Variants in CGNL1 observed in about 807,000 individuals in gnomAD.
CGNL1 encodes cingulin like 1, also known as cingulin-like protein 1.
CGNL1 carries 132 observed loss-of-function variants against 141.2 expected under a neutral mutation model. The ratio of observed to expected loss-of-function variants is 0.93; its 90% confidence interval spans 0.81 to 1.08. The LOEUF is 1.08. Among genes scored for constraint, CGNL1 ranks in the 50% least tolerant of loss-of-function variants. CGNL1 has a pLI of 0.00. For missense variants in CGNL1, 1,870 were observed against 1,588.6 expected, an observed-to-expected ratio of 1.18 and a Z score of -3.01; for synonymous variants, 690 against 622.1, an observed-to-expected ratio of 1.11 and a Z score of -1.63.
intron 1 of CGNL1, among the ~76,000 whole-genome samples, chr15:57,378,379 T>G (rs1431189426): frequency 2.2e-4 from 25 of 112,258 alleles, no homozygotes; most frequent in Non-Finnish European, 3.2e-4. Context: ...TTTTTTTTTT[T>G]TTTTTTTTTT....
intron 10 of CGNL1, among the ~76,000 whole-genome samples, chr15:57,521,985 C>A (rs2140128054): frequency 6.6e-6 from 1 of 152,266 alleles, no homozygotes; most frequent in Non-Finnish European, 1.5e-5. Context: ...TACCATACCT[C>A]ACTGGTTCTA....
Position 57,410,012 on chromosome 15 carries a change from G to A in CGNL1, c.-15-27973G>A, listed in dbSNP as rs181187931. ...TTCTGGAAGATTAAAGGCACAAGCC[G>A]TTAGCCCAGAAGGTACTTCAGCTGA... On this transcript the variant is annotated intron_variant, in intron 1 of 18. Transcript: ENST00000281282. 1.4e-4 allele frequency among the ~76,000 whole-genome samples: 21 copies of A among 152,344 alleles called. No individual in the cohort carries two copies. In the East Asian group the frequency reaches 2.1e-3, roughly 15 times the overall value.
chr15:57,540,553 C>T (rs1380840293), intron 14 of CGNL1, among the ~76,000 whole-genome samples: 1 of 152,192 alleles, frequency 6.6e-6, no homozygotes, highest in Non-Finnish European at 1.5e-5. Flanking sequence ...TGGGTGGGGA[C>T]TCAGGCAAAC....
At position 57,518,510 on chromosome 15, in the gene CGNL1, G is replaced by A. The variant is rs759255830; in HGVS notation, c.2715+13G>A. 6.4e-7 allele frequency: 1 copy of A among 1,571,814 alleles called. No individual in the cohort carries two copies. The highest frequency in any genetic ancestry group is 1.1e-5 in the South Asian group (1 of 88,164). Reference sequence around the variant, plus strand: ...GGAGGCTGCTCAGGTAAACACCAAGGGCTGTTGTCATTACTCCCTCAAGAA... The same window carrying A: ...GGAGGCTGCTCAGGTAAACACCAAGAGCTGTTGTCATTACTCCCTCAAGAA... On this transcript the variant is annotated intron_variant, in intron 10 of 18. Transcript: ENST00000281282.
chr15:57,512,150 T>A (rs2030365943), intron 8 of CGNL1, among the ~76,000 whole-genome samples: 1 of 152,182 alleles, frequency 6.6e-6, no homozygotes, highest in Non-Finnish European at 1.5e-5. Context: ...GATACATAGA[T>A]CCAAGCATCA....
chr15:57,385,826 G>T (rs1425186030), intron 1 of CGNL1, among the ~76,000 whole-genome samples: 1 of 152,202 alleles, frequency 6.6e-6, no homozygotes, highest in African/African-American at 2.4e-5. Context: ...CATCTAATGG[G>T]CCAAGGCCAA....
Position 57,461,822 on chromosome 15 carries a change from T to G in CGNL1, c.2333T>G (p.Met778Arg), listed in dbSNP as rs1377122548. The stretch of plus-strand genomic sequence containing the variant: ...GAGGTTTCCAGCCATGATCAGGAGA[T>G]GGACAAGCTGAAGGAGCAATATGAT... ...KEEVSSHDQE[M>R]DKLKEQYDAE... is the part of the protein sequence containing the mutation. Residue 778 changes from methionine to arginine, a missense_variant, in exon 8 of 19, where the codon ATG becomes AGG. Met to Arg is a moderately conservative substitution (Grantham distance 91). Transcript: ENST00000281282. 1.2e-6 allele frequency: 2 copies of G among 1,613,794 alleles called. No homozygotes were observed. Among genetic ancestry groups the G allele is most frequent in the African/African-American group, 1.3e-5 (1 of 74,814 alleles).
chr15:57,546,073 CAGCTG>C lies in CGNL1; in HGVS notation c.3612_3616del (p.Ser1205AlafsTer13). 6.2e-7 allele frequency: 1 copy of C among 1,611,556 alleles called. No homozygotes were observed. Among genetic ancestry groups the C allele is most frequent in the Non-Finnish European group, 8.5e-7 (1 of 1,178,874 alleles). The stretch of plus-strand genomic sequence containing the variant: ...ACTCAGCCCACATTCTCTCCCGGTG[CAGCTG>C]AGCTTGCGTTTGAAAGCCATGAAGC... On this transcript the variant is annotated splice_acceptor_variant and coding_sequence_variant, in exon 18 of 19. Transcript: ENST00000281282. LOFTEE classifies it high-confidence loss of function.
At chr15:57,476,142 G>C (rs2063654177) in intron 8 of CGNL1, among the ~76,000 whole-genome samples, 2 of 152,154 alleles carry the variant, frequency 1.3e-5, no homozygotes, top group Admixed American at 1.3e-4. Flanking sequence ...GTTCGGTGTG[G>C]GGCATGAGAA....
At chr15:57,467,390 AT>A (rs1392342204) in intron 8 of CGNL1, among the ~76,000 whole-genome samples, 4 of 152,136 alleles carry the variant, frequency 2.6e-5, no homozygotes. Context: ...GGCTGAGGAC[AT>A]TTTGGGTACT....
intron 1 of CGNL1, among the ~76,000 whole-genome samples, chr15:57,397,382 G>A (rs559175587): frequency 3.1e-4 from 47 of 152,308 alleles, no homozygotes; most frequent in African/African-American, 1.1e-3. Flanking sequence ...CGGAGTGGTG[G>A]TGTTGGAGAA....
chr15:57,516,758 A>AT (rs2030834249), intron 8 of CGNL1, 22 bp from the exon 9 acceptor site: 1 of 1,611,706 alleles, frequency 6.2e-7, no homozygotes, highest in African/African-American at 1.3e-5. Context: ...CTCCTTGTTC[A>AT]TTTGCTTTGT....
At chr15:57,468,529 G>C (rs2063539725) in intron 8 of CGNL1, among the ~76,000 whole-genome samples, 1 of 151,616 alleles carries the variant, frequency 6.6e-6, no homozygotes, top group African/African-American at 2.4e-5. Flanking sequence ...ACTGCACCCA[G>C]CATTGAAGTT....
intron 1 of CGNL1, chr15:57,393,879 A>G (rs1018916439): frequency 2.0e-5 from 3 of 151,686 alleles, no homozygotes; most frequent in African/African-American, 4.8e-5. Context: ...TAACACTTCT[A>G]TGTCACTAAA....
rs538817710 is a variant in CGNL1, at chr15:57,418,407, G to T, written c.-15-19578G>T. ...TTTTCTCTCCTATTCGGTTTCTCCC[G>T]TTCTGCTCTGTGATTAATCAGTTCG... is the stretch of plus-strand genomic sequence containing the variant. On this transcript the variant is annotated intron_variant, in intron 1 of 18. Coordinates refer to ENST00000281282, the MANE Select transcript of CGNL1 (RefSeq NM_032866.5). 5.9e-5 allele frequency among the ~76,000 whole-genome samples: 9 copies of T among 151,550 alleles called. No homozygotes were observed. In the East Asian group the frequency reaches 1.2e-3, roughly 20 times the overall value.
chr15:57,412,222 T>C (rs2062796940), intron 1 of CGNL1, among the ~76,000 whole-genome samples: 1 of 152,216 alleles, frequency 6.6e-6, no homozygotes, highest in African/African-American at 2.4e-5. Flanking sequence ...TGGATGTTAG[T>C]GGGTGGCCCG....
intron 8 of CGNL1, among the ~76,000 whole-genome samples, chr15:57,472,006 G>A (rs189652560): frequency 3.3e-5 from 5 of 152,132 alleles, no homozygotes; most frequent in Non-Finnish European, 7.4e-5. Flanking sequence ...GGGTGTGTGA[G>A]GCAGGAAGAT....
chr15:57,525,970 G>T (rs1369015021), intron 12 of CGNL1, among the ~76,000 whole-genome samples: 2 of 152,080 alleles, frequency 1.3e-5, no homozygotes, highest in African/African-American at 4.8e-5. Context: ...CAAGCACCTG[G>T]TCTGATTTGA....
At chr15:57,547,034 T>C (rs182501163) in intron 18 of CGNL1, among the ~76,000 whole-genome samples, 3 of 152,298 alleles carry the variant, frequency 2.0e-5, no homozygotes, top group Admixed American at 2.0e-4. Flanking sequence ...TAAAAGATAA[T>C]GCATGCAATC....
Sources: allele counts gnomAD v4.1 joint callset (sites outside exome capture counted in the v4.1 genomes callset), GRCh38; gene constraint gnomAD v4.1.1; transcripts MANE v1.5; gene names NCBI Gene and HGNC (gene_info 2026-07-23, HGNC 2026-07-21).